RFX3: variants seen among roughly 807,000 people sequenced by gnomAD.
The protein encoded by RFX3 is transcription factor RFX3.
In RFX3, 14 loss-of-function variants were observed where a neutral mutation model predicts 98.6. The observed-to-expected ratio is 0.14, with a 90% CI of 0.09 to 0.22. The LOEUF (loss-of-function observed/expected upper bound fraction) is 0.22. Ranked by LOEUF, RFX3 falls within the 10% of genes least tolerant of loss-of-function variation. RFX3 has a pLI of 1.00. For missense variants in RFX3, 639 were observed against 926.9 expected (o/e 0.69, Z 4.03); for synonymous variants, 383 against 328.4 (o/e 1.17, Z -1.80).
intron 15 of RFX3, among the ~76,000 whole-genome samples, chr9:3,236,484 C>T (rs1007736630): frequency 6.6e-6 from 1 of 152,184 alleles, no homozygotes; most frequent in South Asian, 2.1e-4. Context: ...GTCCTCTGGA[C>T]AGTTTCATGA....
At chr9:3,423,233 G>A (rs899390317) in intron 1 of RFX3, among the ~76,000 whole-genome samples, 2 of 152,128 alleles carry the variant, frequency 1.3e-5, no homozygotes, top group Admixed American at 6.5e-5. Context: ...CACTTTGAAA[G>A]GTGCTTCTGA....
At chr9:3,418,002 C>T (rs969510407) in intron 1 of RFX3, among the ~76,000 whole-genome samples, 1 of 152,130 alleles carries the variant, frequency 6.6e-6, no homozygotes, top group African/African-American at 2.4e-5. Context: ...AATAGATATG[C>T]ATATTTGTTG....
intron 4 of RFX3, among the ~76,000 whole-genome samples, chr9:3,316,894 C>T (rs1259236658): frequency 6.6e-6 from 1 of 152,144 alleles, no homozygotes; most frequent in African/African-American, 2.4e-5. Flanking sequence ...GAAGAATATT[C>T]CATAACCATG....
intron 12 of RFX3, among the ~76,000 whole-genome samples, chr9:3,264,233 C>T (rs1308399728): frequency 3.9e-5 from 6 of 152,134 alleles, no homozygotes; most frequent in Admixed American, 3.3e-4. Flanking sequence ...ATCTAAATCT[C>T]ATAATCTCAT....
At chr9:3,472,444 A>G (rs1186882949) in intron 1 of RFX3, among the ~76,000 whole-genome samples, 14 of 152,172 alleles carry the variant, frequency 9.2e-5, no homozygotes, top group Admixed American at 9.2e-4. Flanking sequence ...TCACTAGCTC[A>G]TAGTTATCAT....
intron 15 of RFX3, among the ~76,000 whole-genome samples, chr9:3,241,992 G>C (rs1819990380): frequency 6.6e-6 from 1 of 152,170 alleles, no homozygotes; most frequent in Non-Finnish European, 1.5e-5. Flanking sequence ...GAAAATGTGT[G>C]TCTATGTGTT....
intron 9 of RFX3, 159 bp downstream of exon 9, chr9:3,275,341 C>A: frequency 2.1e-6 from 1 of 465,952 alleles, no homozygotes; most frequent in Non-Finnish European, 3.8e-6. Flanking sequence ...CACTCTGAGA[C>A]CAGAAAGAAG....
At chr9:3,393,265 G>T (rs1242331789) in intron 2 of RFX3, among the ~76,000 whole-genome samples, 1 of 152,094 alleles carries the variant, frequency 6.6e-6, no homozygotes, top group Non-Finnish European at 1.5e-5. Context: ...GGAGAATGGG[G>T]GAGGTTAAAG....
At chr9:3,363,049 C>A (rs1247969392) in intron 2 of RFX3, among the ~76,000 whole-genome samples, 3 of 152,196 alleles carry the variant, frequency 2.0e-5, no homozygotes, top group African/African-American at 7.2e-5. Context: ...AGGATTATAA[C>A]ACTGTATTAA....
At chr9:3,395,667 C>G in intron 1 of RFX3, 71 bp from the exon 2 acceptor site, 1 of 1,527,498 alleles carries the variant, frequency 6.5e-7, no homozygotes. Context: ...TACAATTGTT[C>G]TTAAAATCCT....
At chr9:3,512,853 A>G (rs1224889567) in intron 1 of RFX3, among the ~76,000 whole-genome samples, 1 of 152,010 alleles carries the variant, frequency 6.6e-6, no homozygotes, top group East Asian at 1.9e-4. Flanking sequence ...CTTTATTTCC[A>G]AATTCTCTAC....
chr9:3,435,511 T>C (rs946332045), intron 1 of RFX3, among the ~76,000 whole-genome samples: 1 of 152,020 alleles, frequency 6.6e-6, no homozygotes, highest in Non-Finnish European at 1.5e-5. Context: ...AGCTCTATTA[T>C]AACCTTAGGG....
intron 1 of RFX3, among the ~76,000 whole-genome samples, chr9:3,425,922 G>A (rs767623544): frequency 4.6e-5 from 7 of 152,156 alleles, no homozygotes; most frequent in Middle Eastern, 6.8e-3. Flanking sequence ...GTTGGAGATC[G>A]TAAAACAAAT....
At chr9:3,482,131 G>C (rs1306551624) in intron 1 of RFX3, among the ~76,000 whole-genome samples, 1 of 151,744 alleles carries the variant, frequency 6.6e-6, no homozygotes, top group Non-Finnish European at 1.5e-5. Context: ...TGTCTACGTA[G>C]AGAATTGTTT....
chr9:3,357,204 T>C (rs1214928793), intron 2 of RFX3, among the ~76,000 whole-genome samples: 1 of 151,962 alleles, frequency 6.6e-6, no homozygotes, highest in Non-Finnish European at 1.5e-5. Context: ...ACAAAATCAT[T>C]TCATTAATAA....
intron 2 of RFX3, among the ~76,000 whole-genome samples, chr9:3,364,978 T>C (rs905203171): frequency 2.7e-4 from 41 of 152,244 alleles, no homozygotes; most frequent in African/African-American, 9.9e-4. Context: ...ATTAATTCTT[T>C]TAAGTAATTT....
In RFX3 at chr9:3,431,986, G is replaced by A. The variant is rs926089451; in HGVS notation, c.-8-36390C>T. ...CTCCACTATTTGTGCAAATGCCGTC[G>A]GGTTTATGATCAGGACTGGTCTTAT... On this transcript the variant is annotated intron_variant, in intron 1 of 16. Coordinates refer to ENST00000617270, the MANE Select transcript of RFX3 (RefSeq NM_001282116.2). Among the ~76,000 whole-genome samples the A allele has an allele frequency of 5.9e-5, 9 of 152,098 alleles. No individual in the cohort carries two copies. The East Asian group carries it at 7.7e-4, about 13-fold the overall frequency.
At chr9:3,303,790 A>T (rs1828949094) in intron 4 of RFX3, among the ~76,000 whole-genome samples, 1 of 152,010 alleles carries the variant, frequency 6.6e-6, no homozygotes, top group African/African-American at 2.4e-5. Flanking sequence ...GAGCTTTGGA[A>T]AGGTGCAAGG....
At chr9:3,248,610 G>A (rs1439782406) in intron 14 of RFX3, among the ~76,000 whole-genome samples, 5 of 152,130 alleles carry the variant, frequency 3.3e-5, no homozygotes, top group African/African-American at 4.8e-5. Flanking sequence ...TCTGGGGTAG[G>A]CCTTAGAAAA....
Sources: allele counts gnomAD v4.1 joint callset (sites outside exome capture counted in the v4.1 genomes callset), GRCh38; gene constraint gnomAD v4.1.1; transcripts MANE v1.5; gene names NCBI Gene and HGNC (gene_info 2026-07-23, HGNC 2026-07-21).